Variants in NLGN4X observed in about 807,000 individuals in gnomAD.
NLGN4X encodes the protein neuroligin-4, X-linked.
In NLGN4X, 3 loss-of-function variants were observed where a neutral mutation model predicts 40.3. The ratio of observed to expected loss-of-function variants is 0.07; its 90% confidence interval spans 0.03 to 0.19. The LOEUF (loss-of-function observed/expected upper bound fraction) is 0.19. Ranked by LOEUF, NLGN4X falls within the 10% of genes least tolerant of loss-of-function variation. The pLI, the probability that NLGN4X is intolerant of heterozygous loss-of-function variation, is 1.00. For missense variants in NLGN4X, 382 were observed against 708.3 expected, an observed-to-expected ratio of 0.54 and a Z score of 5.23; for synonymous variants, 270 against 306.8, an observed-to-expected ratio of 0.88 and a Z score of 1.25.
intron 1 of NLGN4X, among the ~76,000 whole-genome samples, chrX:6,193,302 G>A (rs1922723373): frequency 9.2e-6 from 1 of 109,078 alleles, no homozygotes; most frequent in African/African-American, 3.4e-5. Flanking sequence ...CCAGCTACTC[G>A]GGAGGCTGAG....
intron 1 of NLGN4X, among the ~76,000 whole-genome samples, chrX:6,210,752 A>G (rs1419980356): frequency 8.9e-6 from 1 of 112,616 alleles, no homozygotes; most frequent in Non-Finnish European, 1.9e-5. Context: ...GTGCATAAAA[A>G]GATAGGGAAG....
chrX:6,170,476 T>C (rs1200290550), intron 1 of NLGN4X, among the ~76,000 whole-genome samples: 1 of 112,314 alleles, frequency 8.9e-6, no homozygotes, highest in Non-Finnish European at 1.9e-5. Context: ...TGAGAAATCA[T>C]GCTTTTAACT....
At chrX:5,902,605 C>T (rs751370689) in intron 5 of NLGN4X, among the ~76,000 whole-genome samples, 5 of 112,216 alleles carry the variant, frequency 4.5e-5, no homozygotes, top group Non-Finnish European at 9.4e-5. Flanking sequence ...AGGAGGATGG[C>T]TTGAGCCTAG....
intron 1 of NLGN4X, among the ~76,000 whole-genome samples, chrX:6,196,091 C>G (rs1333765687): frequency 9.0e-6 from 1 of 111,649 alleles, no homozygotes; most frequent in Non-Finnish European, 1.9e-5. Flanking sequence ...GCCACCACCC[C>G]CAGCCTATTA....
intron 3 of NLGN4X, among the ~76,000 whole-genome samples, chrX:5,925,431 G>A (rs755430964): frequency 9.9e-5 from 11 of 110,762 alleles, no homozygotes; most frequent in Admixed American, 6.8e-4. Flanking sequence ...TCAATGAACC[G>A]TCCCATCAAA....
intron 2 of NLGN4X, among the ~76,000 whole-genome samples, chrX:6,108,103 T>C (rs980663597): frequency 9.0e-6 from 1 of 111,693 alleles, no homozygotes; most frequent in African/African-American, 3.3e-5. Context: ...CTGCTTTGAG[T>C]GGAATCTGGG....
At chrX:5,988,017 C>T (rs776769526) in intron 3 of NLGN4X, among the ~76,000 whole-genome samples, 18 of 111,834 alleles carry the variant, frequency 1.6e-4, no homozygotes, top group African/African-American at 5.5e-4. Context: ...TTGGAGGCTG[C>T]GGTGAGCCAT....
intron 3 of NLGN4X, among the ~76,000 whole-genome samples, chrX:5,990,555 T>C (rs1205760112): frequency 8.9e-6 from 1 of 112,011 alleles, no homozygotes; most frequent in Non-Finnish European, 1.9e-5. Flanking sequence ...ATAACAACAA[T>C]ACAAGAATAC....
chrX:6,160,520 A>G (rs192031029), intron 1 of NLGN4X, among the ~76,000 whole-genome samples: 206 of 101,536 alleles, frequency 2.0e-3, no homozygotes, highest in African/African-American at 6.5e-3. Flanking sequence ...ATATGAAATT[A>G]TATCTATAAA....
At chrX:5,905,209 C>T (rs1056967506) in intron 4 of NLGN4X, among the ~76,000 whole-genome samples, 1 of 111,328 alleles carries the variant, frequency 9.0e-6, no homozygotes, top group South Asian at 3.7e-4. Context: ...ATAATTTAGG[C>T]AGTAGTGTAT....
At chrX:6,131,887 C>G (rs937667632) in intron 2 of NLGN4X, among the ~76,000 whole-genome samples, 7 of 111,947 alleles carry the variant, frequency 6.3e-5, no homozygotes, top group Non-Finnish European at 1.3e-4. Context: ...CTTCTACAGT[C>G]TACCTCATGT....
At chrX:6,141,158 G>C (rs938708194) in intron 2 of NLGN4X, among the ~76,000 whole-genome samples, 7 of 111,283 alleles carry the variant, frequency 6.3e-5, no homozygotes, top group African/African-American at 2.3e-4. Context: ...TCTGTTTGCA[G>C]TTTGGCTGTG....
intron 2 of NLGN4X, among the ~76,000 whole-genome samples, chrX:6,085,106 G>T (rs1279798697): frequency 9.2e-6 from 1 of 108,354 alleles, no homozygotes; most frequent in Non-Finnish European, 1.9e-5. Context: ...CCCACCACAA[G>T]CAGAGGAGGA....
At chrX:6,094,891 C>A (rs2147463652) in intron 2 of NLGN4X, among the ~76,000 whole-genome samples, 1 of 110,474 alleles carries the variant, frequency 9.1e-6, no homozygotes, top group African/African-American at 3.3e-5. Flanking sequence ...ATTGCCAAGT[C>A]AGGGTAAATA....
At chrX:6,160,235 C>T (rs2040355497) in intron 1 of NLGN4X, among the ~76,000 whole-genome samples, 1 of 111,705 alleles carries the variant, frequency 9.0e-6, no homozygotes, top group Non-Finnish European at 1.9e-5. Flanking sequence ...ACACATATGC[C>T]TATATCAAAA....
chrX:5,892,852 T>G lies in NLGN4X; in HGVS notation c.2416A>C (p.Asn806His). Residue 806 changes from asparagine (N) to histidine (H), a missense_variant, in exon 6 of 6, where the codon AAT (asparagine) becomes CAT (histidine). Around this residue, in one of 5 missense-constraint regions of NLGN4X, gnomAD observed 57 missense variants for 65.6 expected, o/e 0.87. Transcript: ENST00000381095. ...NTFSGGQNST[N>H]LPHGHSTTRV ...GTGGTGGAATGTCCGTGGGGTAAAT[T>G]TGTACTGTTTTGTCCTCCACTGAAG... 8.3e-7 allele frequency: 1 copy of G among 1,211,037 alleles called. No homozygotes were observed. Among genetic ancestry groups the G allele is most frequent in the African/African-American group, 1.7e-5 (1 of 57,531 alleles).
intron 3 of NLGN4X, among the ~76,000 whole-genome samples, chrX:5,982,512 C>T (rs1264411481): frequency 8.9e-6 from 1 of 112,138 alleles, no homozygotes; most frequent in Non-Finnish European, 1.9e-5. Flanking sequence ...AAATCAGAAG[C>T]CTACATCTAG....
chrX:6,224,529 CCATTAGGCTA>C (rs1271674552), intron 1 of NLGN4X, among the ~76,000 whole-genome samples: 1 of 111,545 alleles, frequency 9.0e-6, no homozygotes, highest in Non-Finnish European at 1.9e-5. Context: ...TATATATTTA[CCATTAGGCTA>C]CATTCCAGGC....
At chrX:5,941,582 A>G (rs1156496388) in intron 3 of NLGN4X, among the ~76,000 whole-genome samples, 1 of 112,392 alleles carries the variant, frequency 8.9e-6, no homozygotes, top group African/African-American at 3.2e-5. Context: ...CAGATTCCAA[A>G]GGAGGTAATA....
Sources: gnomAD v4.1 joint callset for allele counts (sites outside exome capture counted in the v4.1 genomes callset) on GRCh38, gnomAD v4.1.1 for gene constraint, gnomAD v4.1.1 regional missense constraint, MANE v1.5 for transcripts, NCBI Gene and HGNC (gene_info 2026-07-23, HGNC 2026-07-21) for gene names.